Variants in INTS9 observed in about 807,000 individuals in gnomAD.
INTS9 encodes protein related to CPSF subunits of 74 kDa.
A neutral mutation model predicts 79.7 loss-of-function variants in INTS9; 55 were observed. The observed-to-expected ratio is 0.69, with a 90% confidence interval of 0.56 to 0.86. INTS9 has a LOEUF of 0.86. INTS9 is among the 40% of genes least tolerant of loss of function. The pLI is 0.00. For missense variants in INTS9, 721 were observed against 831.5 expected, an observed-to-expected ratio of 0.87 and a Z score of 1.64; for synonymous variants, 319 against 325.2, an observed-to-expected ratio of 0.98 and a Z score of 0.20.
At chr8:28,778,270 G>A (rs7828890) in intron 12 of INTS9, among the ~76,000 whole-genome samples, 23,864 of 152,156 alleles carry the variant, frequency 0.16, 2,975 homozygotes, top group African/African-American at 0.34. Flanking sequence ...CAAAACCACC[G>A]TTTGGCAACC....
chr8:28,888,714 C>T (rs1681571065), intron 1 of INTS9, among the ~76,000 whole-genome samples: 1 of 152,176 alleles, frequency 6.6e-6, no homozygotes, highest in African/African-American at 2.4e-5. Flanking sequence ...CCGCATCCTT[C>T]CCCTTATATA....
chr8:28,849,446 G>GT (rs1807701912), intron 3 of INTS9, among the ~76,000 whole-genome samples: 1 of 151,584 alleles, frequency 6.6e-6, no homozygotes, highest in South Asian at 2.1e-4. Flanking sequence ...GGTGTAGTCA[G>GT]TCATTAAAGT....
At chr8:28,829,885 G>A (rs779247654) in intron 6 of INTS9, among the ~76,000 whole-genome samples, 6 of 152,246 alleles carry the variant, frequency 3.9e-5, no homozygotes, top group Non-Finnish European at 8.8e-5. Context: ...ATATGGCCAC[G>A]ATCGCTGGAG....
intron 1 of INTS9, among the ~76,000 whole-genome samples, chr8:28,882,087 A>G (rs1809874652): frequency 1.4e-5 from 2 of 144,990 alleles, no homozygotes; most frequent in African/African-American, 2.6e-5. Context: ...GACATGGGAG[A>G]CTTTTCATTT....
intron 13 of INTS9, 118 bp from the exon 14 acceptor site, chr8:28,776,044 A>C: frequency 1.3e-6 from 1 of 785,350 alleles, no homozygotes. Context: ...TTCCAGGCCA[A>C]GGTGAACTTT....
chr8:28,796,549 TTGC>T lies in INTS9; in HGVS notation c.848_850del (p.Ser283del). 1 of 1,594,292 alleles carries T rather than the reference TTGC, an allele frequency of 6.3e-7. No homozygotes were observed. The highest frequency in any genetic ancestry group is 8.6e-7 in the Non-Finnish European group (1 of 1,162,020). ...GATGAGAGACGGTTGCACACCTAGG[TTGC>T]TGCAGAACTCTCCCACCATTCCATC... On this transcript the variant is annotated inframe_deletion, in exon 9 of 17. Coordinates refer to ENST00000521022, the MANE Select transcript of INTS9 (RefSeq NM_018250.4).
At position 28,834,189 on chromosome 8, in the gene INTS9, C is replaced by T. The variant is rs184286112; in HGVS notation, c.488+1103G>A. ...AAGTTAGACTTCAGCTTCATGCTCA[C>T]GGATACTGCCTTAGATCAAGGCTTT... On this transcript the variant is annotated intron_variant, in intron 6 of 16. Transcript: ENST00000521022. 3.6e-4 allele frequency among the ~76,000 whole-genome samples: 55 copies of T among 152,284 alleles called. 1 individual carries two copies. The highest frequency in any genetic ancestry group is 6.8e-3 in the Middle Eastern group (2 of 294).
At position 28,787,895 on chromosome 8, in the gene INTS9, A is replaced by G. The variant is rs200868611; in HGVS notation, c.1038-6T>C. 9 of 1,590,442 alleles carry G rather than the reference A, an allele frequency of 5.7e-6. No homozygotes were observed. Among genetic ancestry groups the G allele is most frequent in the Non-Finnish European group, 7.7e-6 (9 of 1,161,824 alleles). On this transcript the variant is annotated splice_polypyrimidine_tract_variant and splice_region_variant and intron_variant, in intron 10 of 16. Coordinates refer to ENST00000521022, the MANE Select transcript of INTS9 (RefSeq NM_018250.4). The stretch of plus-strand genomic sequence containing the variant: ...TCTGTTTGTTGTGACAAAGCCTATT[A>G]AAGAGGAAAAACACATCAGCATGTG...
chr8:28,846,160 C>G (rs1444551756), intron 4 of INTS9, among the ~76,000 whole-genome samples: 1 of 152,278 alleles, frequency 6.6e-6, no homozygotes, highest in Middle Eastern at 3.4e-3. Context: ...GGGTATTAGG[C>G]CTCTCAGCTG....
chr8:28,781,810 C>A (rs562467704), intron 11 of INTS9, among the ~76,000 whole-genome samples: 1 of 152,304 alleles, frequency 6.6e-6, no homozygotes, highest in African/African-American at 2.4e-5. Flanking sequence ...CACAGAGGAT[C>A]TGCAGAGTGA....
chr8:28,816,644 C>T (rs200461225), intron 6 of INTS9, among the ~76,000 whole-genome samples: 24,032 of 138,838 alleles, frequency 0.17, 855 homozygotes, highest in East Asian at 0.36. Flanking sequence ...AGCAGCATGA[C>T]TTATAGTCCT....
At position 28,796,566 on chromosome 8, in the gene INTS9, C is replaced by G; in HGVS notation, c.834G>C (p.Val278=). ...QIPTANPDGM[V]GEFCSNLALT... is the part of the protein sequence containing the mutation. ...CACCTAGGTTGCTGCAGAACTCTCC[C>G]ACCATTCCATCTGGGTTTGCAGTGG... is the stretch of plus-strand genomic sequence containing the variant. Residue 278 remains valine, a synonymous_variant, in exon 9 of 17, where the codon GTG becomes GTC. Coordinates refer to ENST00000521022, the MANE Select transcript of INTS9 (RefSeq NM_018250.4). 2 of 1,612,348 alleles carry G rather than the reference C, an allele frequency of 1.2e-6. No homozygotes were observed. The highest frequency in any genetic ancestry group is 1.7e-6 in the Non-Finnish European group (2 of 1,178,388).
At chr8:28,806,906 C>T (rs920455370) in intron 8 of INTS9, among the ~76,000 whole-genome samples, 22 of 151,846 alleles carry the variant, frequency 1.4e-4, no homozygotes, top group African/African-American at 4.6e-4. Flanking sequence ...ATACATTTAT[C>T]GAAAAGCAAA....
chr8:28,828,154 T>C (rs1027336375), intron 6 of INTS9, among the ~76,000 whole-genome samples: 1 of 152,256 alleles, frequency 6.6e-6, no homozygotes, highest in Non-Finnish European at 1.5e-5. Flanking sequence ...GATAATTTAA[T>C]TCTTATTTTA....
chr8:28,778,503 GAA>G (rs1803037486), intron 12 of INTS9, among the ~76,000 whole-genome samples: 1 of 152,184 alleles, frequency 6.6e-6, no homozygotes, highest in Admixed American at 6.5e-5. Context: ...GATGCACCCG[GAA>G]GACAAGCGCA....
Position 28,775,759 on chromosome 8 carries a change from C to A in INTS9, c.1563G>T (p.Glu521Asp), listed in dbSNP as rs1309324617. The A allele has an allele frequency of 3.1e-6, 5 of 1,613,942 alleles. No homozygotes were observed. The highest frequency in any genetic ancestry group is 4.2e-6 in the Non-Finnish European group (5 of 1,180,000). Residue 521 changes from glutamate (E) to aspartate (D), a missense_variant and splice_region_variant, in exon 14 of 17, where the codon GAG (glutamate) becomes GAT (aspartate). By Grantham distance (45) the Glu-to-Asp change is conservative. This residue lies in a region of INTS9 where 281 missense variants were observed against 300.8 expected (regional missense o/e 0.93). Coordinates refer to ENST00000521022, the MANE Select transcript of INTS9 (RefSeq NM_018250.4). ...AACCCTAGGAAGGAGAACAGCTCAC[C>A]TCTGGCATGATCTCGATCTTCTCGT... Reference protein sequence around the residue: ...RRYEKIEIMPELADSLVPMEI... With the variant: ...RRYEKIEIMPDLADSLVPMEI...
chr8:28,772,547 G>A (rs931151930), intron 14 of INTS9, among the ~76,000 whole-genome samples: 27 of 151,242 alleles, frequency 1.8e-4, no homozygotes, highest in Admixed American at 1.3e-3. Flanking sequence ...GGTGGTTCAC[G>A]CCTGTAATCC....
At chr8:28,829,261 T>C (rs1039220533) in intron 6 of INTS9, among the ~76,000 whole-genome samples, 1 of 152,218 alleles carries the variant, frequency 6.6e-6, no homozygotes, top group Non-Finnish European at 1.5e-5. Flanking sequence ...TAAACTTAAG[T>C]GAGTGTGGGA....
At position 28,884,461 on chromosome 8, in the gene INTS9, G is replaced by A. The variant is rs762551117; in HGVS notation, c.9+5413C>T. Among the ~76,000 whole-genome samples, 88 of 152,068 alleles carry A rather than the reference G, an allele frequency of 5.8e-4. 1 individual carries two copies. Among genetic ancestry groups the A allele is most frequent in the Non-Finnish European group, 1.5e-4 (10 of 68,008 alleles). ...AGCTTCCTGAAGTGCTAGGATTACA[G>A]GTGTGAGCCACTGTGCTTGGCCCGA... On this transcript the variant is annotated intron_variant, in intron 1 of 16. Transcript: ENST00000521022.
Sources: allele counts gnomAD v4.1 joint callset (sites outside exome capture counted in the v4.1 genomes callset), GRCh38; gene constraint gnomAD v4.1.1; regional missense constraint gnomAD v4.1.1; transcripts MANE v1.5; gene names NCBI Gene and HGNC (gene_info 2026-07-23, HGNC 2026-07-21).